CNTN5: variants seen among roughly 807,000 people sequenced by gnomAD.
The protein encoded by CNTN5 is contactin-5.
In CNTN5, 77 loss-of-function variants were observed where a neutral mutation model predicts 129.1. The observed-to-expected ratio is 0.60, with a 90% confidence interval of 0.50 to 0.72. The LOEUF is 0.72. CNTN5 is among the 30% of genes least tolerant of loss of function. The pLI, the probability that CNTN5 is intolerant of heterozygous loss-of-function variation, is 0.00. For synonymous variants in CNTN5, 509 were observed against 465.6 expected (o/e 1.09, Z -1.20); for missense variants, 1,478 against 1,328.8 (o/e 1.11, Z -1.75).
At chr11:99,267,914 ACACACG>A (rs1246585581) in intron 1 of CNTN5, among the ~76,000 whole-genome samples, 2 of 100,418 alleles carry the variant, frequency 2.0e-5, no homozygotes, top group East Asian at 5.3e-4. Flanking sequence ...AAACACACAC[ACACACG>A]CACACACACA....
At chr11:100,148,412 T>C (rs923062345) in intron 13 of CNTN5, among the ~76,000 whole-genome samples, 1 of 152,180 alleles carries the variant, frequency 6.6e-6, no homozygotes, top group East Asian at 1.9e-4. Flanking sequence ...GAAAGACAAA[T>C]AGCCATAGCC....
chr11:99,336,726 G>C (rs1318193630), intron 2 of CNTN5, among the ~76,000 whole-genome samples: 1 of 151,950 alleles, frequency 6.6e-6, no homozygotes. Context: ...TGTAATCCCA[G>C]CTGAGGCAGG....
chr11:99,976,316 G>T (rs941322336), intron 8 of CNTN5, among the ~76,000 whole-genome samples: 1 of 152,192 alleles, frequency 6.6e-6, no homozygotes, highest in Non-Finnish European at 1.5e-5. Context: ...ACTGTTGGTG[G>T]ATCTAGCATT....
intron 2 of CNTN5, among the ~76,000 whole-genome samples, chr11:99,445,153 T>C (rs1204154868): frequency 6.7e-6 from 1 of 149,518 alleles, no homozygotes; most frequent in Non-Finnish European, 1.5e-5. Context: ...ATCATATATA[T>C]AGCTTATATA....
chr11:99,713,769 T>G (rs1032161901), intron 3 of CNTN5, among the ~76,000 whole-genome samples: 6 of 151,952 alleles, frequency 3.9e-5, no homozygotes, highest in African/African-American at 1.4e-4. Flanking sequence ...CATTTTATTG[T>G]AGAAAGTAAA....
intron 1 of CNTN5, among the ~76,000 whole-genome samples, chr11:99,119,818 A>C (rs1858220430): frequency 6.6e-6 from 1 of 151,930 alleles, no homozygotes; most frequent in Admixed American, 6.6e-5. Flanking sequence ...GACTTTCAAT[A>C]ATAGCCACAG....
At chr11:99,316,811 G>C (rs531642246) in intron 1 of CNTN5, among the ~76,000 whole-genome samples, 4 of 152,130 alleles carry the variant, frequency 2.6e-5, no homozygotes, top group Admixed American at 2.6e-4. Context: ...GCAATCGGAG[G>C]AAATAGTGAT....
At chr11:99,027,100 G>T (rs193004128) in intron 1 of CNTN5, among the ~76,000 whole-genome samples, 96 of 147,860 alleles carry the variant, frequency 6.5e-4, no homozygotes, top group African/African-American at 1.5e-3. Context: ...GACAGAAGGG[G>T]TTTTTTTTTT....
At chr11:99,650,176 A>G (rs1952101556) in intron 3 of CNTN5, among the ~76,000 whole-genome samples, 1 of 151,924 alleles carries the variant, frequency 6.6e-6, no homozygotes, top group African/African-American at 2.4e-5. Flanking sequence ...AATATTACAG[A>G]GTCACAAGAG....
At position 99,047,148 on chromosome 11, in the gene CNTN5, C is replaced by A. The variant is rs146174255; in HGVS notation, c.-210+25878C>A. Among the ~76,000 whole-genome samples, 495 of 151,594 alleles carry A rather than the reference C, an allele frequency of 3.3e-3. 3 individuals are homozygous for A. Among genetic ancestry groups the A allele is most frequent in the African/African-American group, 0.011 (471 of 41,418 alleles). ...GATTATCCATTTTTAAGTGATTAAC[C>A]AAAACAAGAAGAATATGAGTAAATA... is the stretch of plus-strand genomic sequence containing the variant. On this transcript the variant is annotated intron_variant, in intron 1 of 24. Transcript: ENST00000524871.
intron 1 of CNTN5, among the ~76,000 whole-genome samples, chr11:99,064,290 G>A (rs570491712): frequency 6.6e-6 from 1 of 152,124 alleles, no homozygotes; most frequent in Non-Finnish European, 1.5e-5. Context: ...TGTTAGCATA[G>A]TAGCTGCATG....
intron 13 of CNTN5, among the ~76,000 whole-genome samples, chr11:100,168,005 A>G (rs1947695592): frequency 6.6e-6 from 1 of 151,928 alleles, no homozygotes; most frequent in Non-Finnish European, 1.5e-5. Flanking sequence ...CAAGCCAACC[A>G]CAACATTCCC....
chr11:99,619,799 G>T (rs1950874539), intron 3 of CNTN5, among the ~76,000 whole-genome samples: 1 of 151,912 alleles, frequency 6.6e-6, no homozygotes, highest in African/African-American at 2.4e-5. Flanking sequence ...GGCCGAGGCG[G>T]GCGGATCACA....
chr11:99,225,197 G>A (rs1591381330), intron 1 of CNTN5, among the ~76,000 whole-genome samples: 1 of 152,150 alleles, frequency 6.6e-6, no homozygotes, highest in South Asian at 2.1e-4. Flanking sequence ...ATCGGCAGAA[G>A]AACCTGAGTT....
intron 3 of CNTN5, among the ~76,000 whole-genome samples, chr11:99,665,316 A>G (rs1166888700): frequency 6.6e-6 from 1 of 152,072 alleles, no homozygotes; most frequent in Non-Finnish European, 1.5e-5. Flanking sequence ...TATTTAAGGA[A>G]AATGTCTGGG....
At chr11:99,785,169 T>C (rs1289303870) in intron 3 of CNTN5, among the ~76,000 whole-genome samples, 1 of 152,154 alleles carries the variant, frequency 6.6e-6, no homozygotes, top group Non-Finnish European at 1.5e-5. Flanking sequence ...ATGATTAGCT[T>C]TGTTTCATAT....
chr11:100,010,320 AG>A (rs1430077668), intron 9 of CNTN5, among the ~76,000 whole-genome samples: 2 of 152,226 alleles, frequency 1.3e-5, no homozygotes, highest in East Asian at 3.9e-4. Context: ...TCTAGAGGTA[AG>A]GGGGGAAAAA....
intron 18 of CNTN5, among the ~76,000 whole-genome samples, chr11:100,288,755 A>C (rs544398243): frequency 2.0e-5 from 3 of 151,818 alleles, no homozygotes; most frequent in African/African-American, 7.3e-5. Context: ...AAATAACTAA[A>C]ATCAGAGCAG....
chr11:99,863,436 G>A (rs1211916333), intron 6 of CNTN5, among the ~76,000 whole-genome samples: 1 of 151,976 alleles, frequency 6.6e-6, no homozygotes, highest in Non-Finnish European at 1.5e-5. Flanking sequence ...AATAGAGCAC[G>A]GTTGTATATA....
Sources: allele counts gnomAD v4.1 joint callset (sites outside exome capture counted in the v4.1 genomes callset), GRCh38; gene constraint gnomAD v4.1.1; transcripts MANE v1.5; gene names NCBI Gene and HGNC (gene_info 2026-07-23, HGNC 2026-07-21).